Variants in ADCY3 observed in about 807,000 individuals in gnomAD.
ADCY3 encodes the protein adenylate cyclase 3, also known as adenylate cyclase type 3.
A neutral mutation model predicts 119.4 loss-of-function variants in ADCY3; 70 were observed. The observed-to-expected ratio is 0.59, with a 90% confidence interval of 0.48 to 0.72. The LOEUF is 0.72. Ranked by LOEUF, ADCY3 falls within the 30% of genes least tolerant of loss-of-function variation. The pLI, the probability that ADCY3 is intolerant of heterozygous loss-of-function variation, is 0.00. For missense variants in ADCY3, 1,238 were observed against 1,541.6 expected (o/e 0.80, Z 3.30); for synonymous variants, 672 against 621.4 (o/e 1.08, Z -1.21).
chr2:24,829,026 T>C (rs3037274), intron 13 of ADCY3, among the ~76,000 whole-genome samples: 2 of 45,130 alleles, frequency 4.4e-5, no homozygotes. Flanking sequence ...TTTTTTCTTT[T>C]TTTTTTTTGA....
At position 24,831,717 on chromosome 2, in the gene ADCY3, C is replaced by T; in HGVS notation, c.2000G>A (p.Gly667Glu). The change falls in exon 12 of 22, where the codon GGG (glycine) becomes GAG (glutamate). Residue 667 changes from glycine (G) to glutamate (E), a missense_variant. This residue lies in a region of ADCY3 where 499 missense variants were observed against 571.0 expected (regional missense o/e 0.87). Transcript: ENST00000679454. ...LMTNYVTFMV[G>E]EILLLILTIC... ...GGTCAGGATGAGGAGCAGAATCTCC[C>T]CCACCATGAAGGTCACATAGTTTGT... 1 of 1,613,976 alleles carries T rather than the reference C, an allele frequency of 6.2e-7. No individual in the cohort carries two copies. The highest frequency in any genetic ancestry group is 8.5e-7 in the Non-Finnish European group (1 of 1,179,992).
At chr2:24,888,508 C>T (rs2148919547) in intron 2 of ADCY3, among the ~76,000 whole-genome samples, 1 of 152,364 alleles carries the variant, frequency 6.6e-6, no homozygotes, top group East Asian at 1.9e-4. Context: ...CACCATTAGT[C>T]AACAAGTCCT....
At chr2:24,897,431 A>G (rs1678413634) in intron 2 of ADCY3, among the ~76,000 whole-genome samples, 1 of 152,180 alleles carries the variant, frequency 6.6e-6, no homozygotes, top group Admixed American at 6.5e-5. Context: ...AACTGGACAG[A>G]GCAGAAGCTG....
At chr2:24,896,339 C>T (rs1394952243) in intron 2 of ADCY3, among the ~76,000 whole-genome samples, 4 of 151,986 alleles carry the variant, frequency 2.6e-5, no homozygotes, top group East Asian at 1.9e-4. Context: ...GAGCCGAGAT[C>T]GTGCCACTGC....
intron 2 of ADCY3, among the ~76,000 whole-genome samples, chr2:24,880,877 T>G (rs1199194994): frequency 6.6e-6 from 1 of 152,154 alleles, no homozygotes; most frequent in Non-Finnish European, 1.5e-5. Context: ...TAGCTGGGTG[T>G]TGTGGCAGGC....
intron 17 of ADCY3, 103 bp downstream of exon 17, chr2:24,824,275 C>A (rs994714226): frequency 2.1e-6 from 3 of 1,458,608 alleles, no homozygotes; most frequent in Non-Finnish European, 2.8e-6. Context: ...AGGCCCCAGT[C>A]CCCTGTCCCT....
At chr2:24,879,395 G>A (rs1676107399) in intron 2 of ADCY3, among the ~76,000 whole-genome samples, 3 of 146,850 alleles carry the variant, frequency 2.0e-5, no homozygotes, top group Non-Finnish European at 4.5e-5. Context: ...GGAGCTTGCA[G>A]TGAGCCGAGA....
chr2:24,866,504 GAA>G (rs1674315554), intron 3 of ADCY3, among the ~76,000 whole-genome samples: 1 of 123,136 alleles, frequency 8.1e-6, no homozygotes, highest in South Asian at 2.7e-4. Flanking sequence ...TTGAGCCCAG[GAA>G]CTCGAAGATG....
intron 20 of ADCY3, chr2:24,821,189 C>G (rs1667643453): frequency 2.3e-6 from 1 of 432,644 alleles, no homozygotes; most frequent in East Asian, 4.4e-5. Flanking sequence ...TTTCAAAGAG[C>G]AGGCCTGTCT....
chr2:24,869,081 G>A (rs539953993), intron 3 of ADCY3, among the ~76,000 whole-genome samples: 3 of 152,160 alleles, frequency 2.0e-5, no homozygotes, highest in East Asian at 3.9e-4. Flanking sequence ...AAAGATTAAC[G>A]GTGGTCTGCT....
chr2:24,820,245 C>T, intron 21 of ADCY3, 131 bp from the exon 22 acceptor site: 1 of 1,198,660 alleles, frequency 8.3e-7, no homozygotes, highest in African/African-American at 1.6e-5. Flanking sequence ...CTCCCCAAAC[C>T]TCCCAGGGCC....
chr2:24,905,725 T>C (rs1466002048), intron 2 of ADCY3, among the ~76,000 whole-genome samples: 2 of 152,164 alleles, frequency 1.3e-5, no homozygotes, highest in Non-Finnish European at 2.9e-5. Context: ...ATCATCACAA[T>C]GACAGTGACA....
chr2:24,843,022 C>A (rs538419881), intron 3 of ADCY3, among the ~76,000 whole-genome samples: 1 of 152,290 alleles, frequency 6.6e-6, no homozygotes, highest in East Asian at 1.9e-4. Context: ...TCAAGGAGGC[C>A]TTCCTGAAGG....
At chr2:24,910,075 G>A (rs1663393502) in intron 2 of ADCY3, among the ~76,000 whole-genome samples, 1 of 152,210 alleles carries the variant, frequency 6.6e-6, no homozygotes. Context: ...GCTGGCAACT[G>A]AATGCTGCAG....
intron 3 of ADCY3, among the ~76,000 whole-genome samples, chr2:24,855,727 G>A (rs1216428856): frequency 6.6e-6 from 1 of 152,236 alleles, no homozygotes; most frequent in Non-Finnish European, 1.5e-5. Flanking sequence ...ATCCTGGGAA[G>A]AAGCACCCAG....
At chr2:24,897,910 G>A (rs530071244) in intron 2 of ADCY3, among the ~76,000 whole-genome samples, 3 of 152,114 alleles carry the variant, frequency 2.0e-5, no homozygotes, top group Non-Finnish European at 2.9e-5. Context: ...ATCACCGTTC[G>A]CTGCCAGAAT....
intron 2 of ADCY3, among the ~76,000 whole-genome samples, chr2:24,904,137 C>CAG (rs10566562): frequency 6.7e-6 from 1 of 150,082 alleles, no homozygotes; most frequent in Non-Finnish European, 1.5e-5. Context: ...AGGAAGGAGA[C>CAG]AGAGAGAGAG....
intron 9 of ADCY3, 101 bp from the exon 10 acceptor site, chr2:24,835,037 A>T (rs369929297): frequency 4.2e-6 from 6 of 1,419,806 alleles, no homozygotes; most frequent in Non-Finnish European, 5.7e-6. Flanking sequence ...AAAAGAGGGC[A>T]TACTCGGAGG....
Position 24,841,395 on chromosome 2 carries a change from G to T in ADCY3, c.1069-9C>A. On this transcript the variant is annotated splice_polypyrimidine_tract_variant and intron_variant, in intron 5 of 21. Coordinates refer to ENST00000679454, the MANE Select transcript of ADCY3 (RefSeq NM_004036.5). This position sits in a 1 kb window ranked among gnomAD's most constrained non-coding sequence, Gnocchi z 5.8. ...CGCAGCTGGTGGTATTTCTGAAAGGGGAGGGCCTGGCCTGTGCTCCAGCCC... is the reference window on the plus strand; with the variant it reads ...CGCAGCTGGTGGTATTTCTGAAAGGTGAGGGCCTGGCCTGTGCTCCAGCCC... 6.2e-7 allele frequency: 1 copy of T among 1,610,762 alleles called. No individual in the cohort carries two copies. The highest frequency in any genetic ancestry group is 1.3e-5 in the African/African-American group (1 of 75,032).
Sources: gnomAD v4.1 joint callset for allele counts (sites outside exome capture counted in the v4.1 genomes callset) on GRCh38, gnomAD v4.1.1 for gene constraint, gnomAD v4.1.1 regional missense constraint, Gnocchi (gnomAD v3.1) non-coding constraint, MANE v1.5 for transcripts, NCBI Gene and HGNC (gene_info 2026-07-23, HGNC 2026-07-21) for gene names.